SLC30A6: variants seen among roughly 807,000 people sequenced by gnomAD.
SLC30A6 encodes the protein zinc transporter 6.
A neutral mutation model predicts 63.0 loss-of-function variants in SLC30A6; 55 were observed. The ratio of observed to expected loss-of-function variants is 0.87; its 90% CI spans 0.70 to 1.09. The LOEUF (loss-of-function observed/expected upper bound fraction) is 1.09. SLC30A6 is among the 50% of genes least tolerant of loss of function. SLC30A6 has a pLI of 0.00. For synonymous variants in SLC30A6, 224 were observed against 186.1 expected, an observed-to-expected ratio of 1.20 and a Z score of -1.66; for missense variants, 587 against 549.2, an observed-to-expected ratio of 1.07 and a Z score of -0.69.
At chr2:32,189,450 C>T (rs1364074815) in intron 5 of SLC30A6, among the ~76,000 whole-genome samples, 1 of 151,418 alleles carries the variant, frequency 6.6e-6, no homozygotes, top group East Asian at 1.9e-4. Flanking sequence ...CACCAACATG[C>T]CTAATTTTTT....
intron 1 of SLC30A6, among the ~76,000 whole-genome samples, chr2:32,169,638 G>A (rs1423565996): frequency 6.6e-6 from 1 of 152,166 alleles, no homozygotes. Flanking sequence ...AATTAGCCGG[G>A]CGTGGTGGTG....
intron 10 of SLC30A6, chr2:32,203,876 G>A (rs1251146684): frequency 3.5e-5 from 37 of 1,043,314 alleles, no homozygotes; most frequent in South Asian, 1.9e-4. Flanking sequence ...TCAGGTGGTC[G>A]ATCTGGCAGC....
At chr2:32,203,900 A>G (rs1684515502) in intron 10 of SLC30A6, 2 of 896,740 alleles carry the variant, frequency 2.2e-6, no homozygotes, top group Non-Finnish European at 3.8e-6. Context: ...TCAGTTAGAC[A>G]GAGTCCACAA....
intron 13 of SLC30A6, among the ~76,000 whole-genome samples, chr2:32,215,561 T>C (rs1394289258): frequency 2.7e-5 from 4 of 148,374 alleles, no homozygotes; most frequent in Admixed American, 6.8e-5. Flanking sequence ...TAGTACCCAA[T>C]TGTTAAGAAA....
intron 13 of SLC30A6, among the ~76,000 whole-genome samples, chr2:32,212,925 G>T (rs1386196389): frequency 1.5e-5 from 2 of 131,626 alleles, no homozygotes; most frequent in African/African-American, 3.0e-5. Context: ...TTTTTTTAAG[G>T]AGACAGCGTC....
At chr2:32,171,119 A>G (rs1257188821) in intron 1 of SLC30A6, among the ~76,000 whole-genome samples, 168 bp from the exon 2 acceptor site, 1 of 152,236 alleles carries the variant, frequency 6.6e-6, no homozygotes. Flanking sequence ...TTTATTGTGA[A>G]TATTAAATCC....
At chr2:32,204,216 TTTTAAAA>T (rs1684543740) in intron 10 of SLC30A6, among the ~76,000 whole-genome samples, 1 of 151,994 alleles carries the variant, frequency 6.6e-6, no homozygotes, top group Non-Finnish European at 1.5e-5. Flanking sequence ...TATTGTCTCT[TTTTAAAA>T]AAAAATTACT....
At chr2:32,217,946 C>T (rs1163195902) in intron 13 of SLC30A6, among the ~76,000 whole-genome samples, 1 of 151,974 alleles carries the variant, frequency 6.6e-6, no homozygotes, top group Non-Finnish European at 1.5e-5. Context: ...ATCAATTCTC[C>T]CACCTCAGCC....
intron 5 of SLC30A6, among the ~76,000 whole-genome samples, chr2:32,188,391 C>T (rs1683022149): frequency 1.3e-5 from 2 of 152,108 alleles, no homozygotes; most frequent in Admixed American, 1.3e-4. Context: ...CTGTCCCTAC[C>T]CTTTAAAAGG....
chr2:32,173,140 C>A (rs1681384332), intron 2 of SLC30A6, among the ~76,000 whole-genome samples: 2 of 152,200 alleles, frequency 1.3e-5, no homozygotes, highest in South Asian at 2.1e-4. Flanking sequence ...ACTCTCAGGG[C>A]TGCTTCATTT....
chr2:32,199,843 G>A (rs933174061), intron 10 of SLC30A6, among the ~76,000 whole-genome samples: 10 of 151,976 alleles, frequency 6.6e-5, no homozygotes, highest in African/African-American at 9.7e-5. Context: ...GGCTGGGTGC[G>A]GTGGCTTACA....
chr2:32,175,044 G>A lies in SLC30A6; in HGVS notation c.176-275G>A, dbSNP rs1681604242. On this transcript the variant is annotated intron_variant, in intron 3 of 13. Coordinates refer to ENST00000282587, the MANE Select transcript of SLC30A6 (RefSeq NM_017964.5). Reference sequence around the variant, plus strand: ...CATTTGAAATAGCGCTGAGATTACAGAAGCAGGCAGAAAAATGGTAACAGG... The same window carrying A: ...CATTTGAAATAGCGCTGAGATTACAAAAGCAGGCAGAAAAATGGTAACAGG... 2.0e-5 allele frequency among the ~76,000 whole-genome samples: 3 copies of A among 152,052 alleles called. No homozygotes were observed. In the South Asian group the frequency reaches 6.2e-4, roughly 32 times the overall value.
At chr2:32,216,443 G>T (rs1685709641) in intron 13 of SLC30A6, among the ~76,000 whole-genome samples, 1 of 152,138 alleles carries the variant, frequency 6.6e-6, no homozygotes, top group Middle Eastern at 3.4e-3. Context: ...GGCTGAGGCA[G>T]GAGAATTGTT....
intron 10 of SLC30A6, 41 bp downstream of exon 10, chr2:32,197,867 G>C (rs1479182062): frequency 6.2e-7 from 1 of 1,607,914 alleles, no homozygotes; most frequent in Admixed American, 1.7e-5. Flanking sequence ...TTTGATTTCT[G>C]GGGACTTACT....
intron 8 of SLC30A6, among the ~76,000 whole-genome samples, chr2:32,194,974 A>G (rs1312668747): frequency 3.3e-5 from 5 of 152,170 alleles, no homozygotes; most frequent in Non-Finnish European, 7.3e-5. Context: ...GACTACTGAT[A>G]ATCTTATGAC....
intron 1 of SLC30A6, among the ~76,000 whole-genome samples, chr2:32,170,606 A>T (rs1185450857): frequency 6.6e-6 from 1 of 152,100 alleles, no homozygotes; most frequent in African/African-American, 2.4e-5. Flanking sequence ...GCCTGAACTT[A>T]CTTTCTTTTT....
chr2:32,198,156 C>T (rs1573355931), intron 10 of SLC30A6, among the ~76,000 whole-genome samples: 2 of 152,072 alleles, frequency 1.3e-5, no homozygotes, highest in African/African-American at 2.4e-5. Flanking sequence ...AGGACGTAGG[C>T]GTGAAACAAT....
At chr2:32,174,785 C>A (rs989106618) in intron 3 of SLC30A6, among the ~76,000 whole-genome samples, 5 of 151,728 alleles carry the variant, frequency 3.3e-5, no homozygotes, top group African/African-American at 1.2e-4. Context: ...ATCTCCTGAC[C>A]TTATGATCCA....
chr2:32,213,788 A>C (rs1685453258), intron 13 of SLC30A6, among the ~76,000 whole-genome samples: 1 of 145,774 alleles, frequency 6.9e-6, no homozygotes, highest in Admixed American at 7.1e-5. Flanking sequence ...TAACAGGTCT[A>C]GGATAAACTT....
Sources: allele counts gnomAD v4.1 joint callset (sites outside exome capture counted in the v4.1 genomes callset), GRCh38; gene constraint gnomAD v4.1.1; transcripts MANE v1.5; gene names NCBI Gene and HGNC (gene_info 2026-07-23, HGNC 2026-07-21).